Variants in DCBLD2 observed in about 807,000 individuals in gnomAD.
DCBLD2 encodes discoidin, CUB and LCCL domain containing 2, also known as discoidin, CUB and LCCL domain-containing protein 2.
In DCBLD2, 54 loss-of-function variants were observed where a neutral mutation model predicts 86.8. That is an observed-to-expected ratio of 0.62 (90% confidence interval 0.50 to 0.78). The LOEUF (loss-of-function observed/expected upper bound fraction) is 0.78. DCBLD2 is among the 30% of genes least tolerant of loss of function. The probability of loss-of-function intolerance (pLI) is 0.00; values close to 1 mark genes in which losing one functional copy is unlikely to be tolerated. For synonymous variants in DCBLD2, 354 were observed against 341.3 expected (o/e 1.04, Z -0.41); for missense variants, 908 against 954.2 (o/e 0.95, Z 0.64).
At chr3:98,824,944 A>T (rs1175292950) in intron 4 of DCBLD2, among the ~76,000 whole-genome samples, 1 of 152,216 alleles carries the variant, frequency 6.6e-6, no homozygotes, top group Non-Finnish European at 1.5e-5. Context: ...ATGGTACTTG[A>T]GTAACAACAC....
chr3:98,802,501 G>C (rs1576153256), intron 13 of DCBLD2, among the ~76,000 whole-genome samples: 3 of 152,172 alleles, frequency 2.0e-5, no homozygotes, highest in Middle Eastern at 6.8e-3. Context: ...CCATTCTGTA[G>C]GTTGCCTGCT....
At chr3:98,898,995 C>T (rs1943798388) in intron 1 of DCBLD2, among the ~76,000 whole-genome samples, 1 of 151,610 alleles carries the variant, frequency 6.6e-6, no homozygotes, top group South Asian at 2.1e-4. Flanking sequence ...GGTATGCATG[C>T]TCACCTTAAT....
At chr3:98,870,745 G>GA (rs1253384775) in intron 2 of DCBLD2, among the ~76,000 whole-genome samples, 14 of 79,600 alleles carry the variant, frequency 1.8e-4, no homozygotes, top group African/African-American at 4.4e-4. Flanking sequence ...GAAAAAGAAA[G>GA]AAAGAAAGAA....
intron 1 of DCBLD2, chr3:98,890,480 A>C (rs1943639105): frequency 6.6e-6 from 1 of 152,156 alleles, no homozygotes; most frequent in Non-Finnish European, 1.5e-5. Context: ...AATTTAAGTC[A>C]GTTAAGCTTG....
At chr3:98,849,392 A>G in intron 3 of DCBLD2, 69 bp downstream of exon 3, 1 of 1,600,812 alleles carries the variant, frequency 6.2e-7, no homozygotes, top group Non-Finnish European at 8.6e-7. Context: ...CAGGTACTTA[A>G]AAAAAGCATT....
chr3:98,827,957 C>T (rs1942251347), intron 3 of DCBLD2, among the ~76,000 whole-genome samples: 1 of 152,100 alleles, frequency 6.6e-6, no homozygotes, highest in Non-Finnish European at 1.5e-5. Context: ...AGCAAGGGTG[C>T]CTAGACAATT....
intron 2 of DCBLD2, among the ~76,000 whole-genome samples, chr3:98,866,356 A>T (rs917885794): frequency 1.3e-4 from 19 of 151,986 alleles, no homozygotes; most frequent in East Asian, 3.9e-4. Context: ...TTTCTCCACA[A>T]CCTCTCCAGC....
chr3:98,877,780 A>C (rs916994563), intron 2 of DCBLD2, among the ~76,000 whole-genome samples: 10 of 152,316 alleles, frequency 6.6e-5, no homozygotes, highest in African/African-American at 2.4e-4. Context: ...GGGCAATCAC[A>C]AGATAAACCT....
At chr3:98,811,088 C>A in intron 12 of DCBLD2, 106 bp downstream of exon 12, 3 of 1,292,570 alleles carry the variant, frequency 2.3e-6, no homozygotes, top group South Asian at 1.9e-5. Flanking sequence ...TACTTAAAAA[C>A]TATAGTTGGA....
At chr3:98,869,508 A>G (rs1465134409) in intron 2 of DCBLD2, among the ~76,000 whole-genome samples, 1 of 152,168 alleles carries the variant, frequency 6.6e-6, no homozygotes, top group African/African-American at 2.4e-5. Flanking sequence ...TTCTCTGCCT[A>G]CGCCAATATC....
At chr3:98,881,789 T>C (rs145336374) in intron 1 of DCBLD2, 22 bp from the exon 2 acceptor site, 25,192 of 1,578,522 alleles carry the variant, frequency 0.016, 246 homozygotes, top group Non-Finnish European at 0.019. Flanking sequence ...GTGAAAAGAA[T>C]GATAAATTAT....
chr3:98,838,970 A>AGCCGAGATGGCAGCAGTAC (rs1942548549), intron 3 of DCBLD2, among the ~76,000 whole-genome samples: 1 of 150,952 alleles, frequency 6.6e-6, no homozygotes, highest in African/African-American at 2.4e-5. Context: ...GGTTGCAGTG[A>AGCCGAGATGGCAGCAGTAC]GCCGAGATGG....
At chr3:98,821,960 C>T (rs765452739) in intron 6 of DCBLD2, among the ~76,000 whole-genome samples, 1 of 152,136 alleles carries the variant, frequency 6.6e-6, no homozygotes, top group Non-Finnish European at 1.5e-5. Context: ...ACCGGAGAAT[C>T]GCTTGAAACC....
At chr3:98,893,119 C>T (rs544030734) in intron 1 of DCBLD2, among the ~76,000 whole-genome samples, 12 of 151,892 alleles carry the variant, frequency 7.9e-5, no homozygotes, top group Admixed American at 3.3e-4. Flanking sequence ...CTTAGTGGAA[C>T]GGAAACATAT....
chr3:98,843,126 C>T (rs530844672), intron 3 of DCBLD2, among the ~76,000 whole-genome samples: 3 of 152,226 alleles, frequency 2.0e-5, no homozygotes, highest in Admixed American at 6.5e-5. Context: ...AAATTGGTAA[C>T]ACTTTGTTCG....
intron 3 of DCBLD2, among the ~76,000 whole-genome samples, chr3:98,839,225 T>TTC (rs371373216): frequency 0.016 from 2,361 of 149,958 alleles, 56 homozygotes; most frequent in African/African-American, 0.054. Flanking sequence ...CCTTCTTTCC[T>TTC]TCTCTCTCTC....
chr3:98,857,130 A>G (rs1942945506), intron 2 of DCBLD2, among the ~76,000 whole-genome samples: 1 of 152,026 alleles, frequency 6.6e-6, no homozygotes, highest in Non-Finnish European at 1.5e-5. Context: ...TCAGGAGTGA[A>G]GCTGCAGACC....
intron 3 of DCBLD2, among the ~76,000 whole-genome samples, chr3:98,838,531 C>T (rs993532121): frequency 2.0e-5 from 3 of 146,726 alleles, no homozygotes; most frequent in East Asian, 2.1e-4. Context: ...GATGGGATGG[C>T]GGCCGGGCGG....
intron 3 of DCBLD2, among the ~76,000 whole-genome samples, chr3:98,833,992 TAAACTA>T: frequency 6.6e-6 from 1 of 152,184 alleles, no homozygotes; most frequent in Non-Finnish European, 1.5e-5. Context: ...ACTACTCCAG[TAAACTA>T]GGGGCCTGCT....
Sources: gnomAD v4.1 joint callset for allele counts (sites outside exome capture counted in the v4.1 genomes callset) on GRCh38, gnomAD v4.1.1 for gene constraint, MANE v1.5 for transcripts, NCBI Gene and HGNC (gene_info 2026-07-23, HGNC 2026-07-21) for gene names.